Variants in TEX264 observed in about 807,000 individuals in gnomAD.
TEX264 encodes testis expressed 264, ER-phagy receptor.
Under a neutral mutation model 23.4 loss-of-function variants are expected in TEX264, and 13 were observed. The ratio of observed to expected loss-of-function variants is 0.56; its 90% CI spans 0.36 to 0.88. The LOEUF (loss-of-function observed/expected upper bound fraction) is 0.88, where lower values mean the gene tolerates loss of function less well. Ranked by LOEUF, TEX264 falls within the 40% of genes least tolerant of loss-of-function variation. The pLI is 0.01. For synonymous variants in TEX264, 159 were observed against 170.0 expected (o/e 0.94, Z 0.50); for missense variants, 340 against 406.8 (o/e 0.84, Z 1.41).
chr3:51,703,882 G>GGCTC lies in TEX264; in HGVS notation c.809_812dup (p.Ser272LeufsTer4), dbSNP rs1559686789. 1.2e-6 allele frequency: 2 copies of GGCTC among 1,612,200 alleles called. No individual in the cohort carries two copies. The highest frequency in any genetic ancestry group is 2.7e-5 in the African/African-American group (2 of 74,998). On this transcript the variant is annotated frameshift_variant, in exon 5 of 5. Coordinates refer to ENST00000341333, the MANE Select transcript of TEX264 (RefSeq NM_015926.6). LOFTEE classifies it high-confidence loss of function. The surrounding 1 kb of genome is among the most constrained non-coding windows in gnomAD (Gnocchi z 4.8). ...CAGCTACAGCGAGTCAGGTGCCAGC[G>GGCTC]GCTCCTCTTTTGAGGAGCTGGACTT...
Position 51,678,655 on chromosome 3 carries a change from T to C in TEX264, c.258+4093T>C, listed in dbSNP as rs575165315. 2.8e-3 allele frequency among the ~76,000 whole-genome samples: 421 copies of C among 152,320 alleles called. 6 individuals are homozygous for C. Among genetic ancestry groups the C allele is most frequent in the African/African-American group, 9.1e-3 (379 of 41,568 alleles). On this transcript the variant is annotated intron_variant, in intron 2 of 4. Transcript: ENST00000341333. The stretch of plus-strand genomic sequence containing the variant: ...GACTGCCATTGAAGCCCCCTTTCCC[T>C]TAGTCCAATGAGAACCAAGGCCCAG...
intron 3 of TEX264, among the ~76,000 whole-genome samples, chr3:51,687,334 G>GGGCT (rs1702658997): frequency 1.3e-5 from 2 of 152,300 alleles, no homozygotes; most frequent in South Asian, 4.1e-4. Flanking sequence ...GATGAGGAAG[G>GGGCT]GGCTAGCTCT....
intron 2 of TEX264, among the ~76,000 whole-genome samples, chr3:51,675,728 T>C (rs1267128399): frequency 6.6e-6 from 1 of 152,166 alleles, no homozygotes; most frequent in Non-Finnish European, 1.5e-5. Context: ...CCTTCTCATG[T>C]AAGTAGAATT....
At chr3:51,689,862 G>T (rs1373496288) in intron 3 of TEX264, among the ~76,000 whole-genome samples, 1 of 152,226 alleles carries the variant, frequency 6.6e-6, no homozygotes, top group Admixed American at 6.5e-5. Context: ...AGAGGCACTT[G>T]TCTTGAGGGG....
Position 51,691,999 on chromosome 3 carries a change from CTG to C in TEX264, c.480+7366_480+7367del, listed in dbSNP as rs1702845675. ...CCTTTGTTGGCCTAGGCACTGGAACCTGCTCCTTAGCCTCTCTGGCTTTACCC... is the reference window on the plus strand; with the variant it reads ...CCTTTGTTGGCCTAGGCACTGGAACCCTCCTTAGCCTCTCTGGCTTTACCC... On this transcript the variant is annotated intron_variant, in intron 3 of 4. Transcript: ENST00000341333. The surrounding 1 kb of genome is among the most constrained non-coding windows in gnomAD (Gnocchi z 4.4). 6.6e-6 allele frequency among the ~76,000 whole-genome samples: 1 copy of C among 152,236 alleles called. No homozygotes were observed. The highest frequency in any genetic ancestry group is 1.5e-5 in the Non-Finnish European group (1 of 68,030).
In TEX264 at chr3:51,686,011, G is replaced by A. The variant is rs903709754; in HGVS notation, c.480+1377G>A. Reference sequence around the variant, plus strand: ...TGTAGTGATGCTTTCACTGACATGTGGGGAACTGAGGGAGGCCCTGGTTTT... The same window carrying A: ...TGTAGTGATGCTTTCACTGACATGTAGGGAACTGAGGGAGGCCCTGGTTTT... On this transcript the variant is annotated intron_variant, in intron 3 of 4. Coordinates refer to ENST00000341333, the MANE Select transcript of TEX264 (RefSeq NM_015926.6). This position sits in a 1 kb window ranked among gnomAD's most constrained non-coding sequence, Gnocchi z 4.1. Among the ~76,000 whole-genome samples, 7 of 152,174 alleles carry A rather than the reference G, an allele frequency of 4.6e-5. No individual in the cohort carries two copies. Among genetic ancestry groups the A allele is most frequent in the Admixed American group, 4.6e-4 (7 of 15,282 alleles).
chr3:51,690,922 G>A (rs1034623065), intron 3 of TEX264, among the ~76,000 whole-genome samples: 1 of 152,242 alleles, frequency 6.6e-6, no homozygotes, highest in African/African-American at 2.4e-5. Context: ...CCCTTAGGCC[G>A]AGGATCGTTC....
chr3:51,682,357 T>G (rs1260674568), intron 2 of TEX264: 1 of 152,290 alleles, frequency 6.6e-6, no homozygotes, highest in Non-Finnish European at 1.5e-5. Flanking sequence ...AAGAAGTGAC[T>G]GTGTGCAAGG....
chr3:51,701,734 C>T (rs538197536), intron 4 of TEX264, among the ~76,000 whole-genome samples: 2 of 150,528 alleles, frequency 1.3e-5, no homozygotes, highest in South Asian at 2.1e-4. Flanking sequence ...TGGGTTCAAG[C>T]GATTCTCCTG....
At chr3:51,698,295 G>C (rs903026030) in intron 3 of TEX264, among the ~76,000 whole-genome samples, 17 of 152,184 alleles carry the variant, frequency 1.1e-4, no homozygotes. Context: ...CTCCTTGCCA[G>C]GCAATAAGTC....
intron 2 of TEX264, among the ~76,000 whole-genome samples, chr3:51,676,299 G>A (rs1673519323): frequency 6.6e-6 from 1 of 152,202 alleles, no homozygotes; most frequent in South Asian, 2.1e-4. Flanking sequence ...TGCCTCTTGG[G>A]TTGGAGGTGC....
At chr3:51,676,726 A>G (rs1246119974) in intron 2 of TEX264, among the ~76,000 whole-genome samples, 1 of 152,244 alleles carries the variant, frequency 6.6e-6, no homozygotes. Flanking sequence ...CATTTACCCC[A>G]GCACTTAGCC....
chr3:51,678,378 T>A (rs1462102049), intron 2 of TEX264, among the ~76,000 whole-genome samples: 2 of 152,214 alleles, frequency 1.3e-5, no homozygotes, highest in East Asian at 3.9e-4. Context: ...TCTGCCAGGC[T>A]GGCTCTCTAC....
At chr3:51,680,023 C>T (rs117408850) in intron 2 of TEX264, among the ~76,000 whole-genome samples, 165 of 152,272 alleles carry the variant, frequency 1.1e-3, no homozygotes, top group South Asian at 3.9e-3. Flanking sequence ...CAGTGCAGCT[C>T]GTCTATTCCC....
rs1208591429 is a variant in TEX264 at position 51,674,619 on chromosome 3, T to C, written c.258+57T>C. On this transcript the variant is annotated intron_variant, in intron 2 of 4. Transcript: ENST00000341333. ...GATGGGCCTGGTGGGCCAGGGCTTC[T>C]TTGGGGAGGGTAGTTTTGGTTGCTG... 3.8e-6 allele frequency: 6 copies of C among 1,587,686 alleles called. No individual in the cohort carries two copies. The Admixed American group carries it at 5.2e-5, about 14-fold the overall frequency.
chr3:51,692,135 C>T (rs1459340125), intron 3 of TEX264, among the ~76,000 whole-genome samples: 3 of 152,242 alleles, frequency 2.0e-5, no homozygotes, highest in African/African-American at 7.2e-5. Flanking sequence ...GCTTGGCAGC[C>T]CTGCAGGACC....
rs753751256 is a variant in TEX264 at position 51,699,592 on chromosome 3, T to A, written c.649+18T>A. On this transcript the variant is annotated intron_variant, in intron 4 of 4. Transcript: ENST00000341333. Reference sequence around the variant, plus strand: ...TGGCACAGGTACAGAAGGTGGGGTATGAGGATGGGGCCCTCCTGGAGCTCC... The same window carrying A: ...TGGCACAGGTACAGAAGGTGGGGTAAGAGGATGGGGCCCTCCTGGAGCTCC... 6.2e-7 allele frequency: 1 copy of A among 1,612,430 alleles called. No homozygotes were observed. The highest frequency in any genetic ancestry group is 1.1e-5 in the South Asian group (1 of 91,046).
At chr3:51,678,883 GACCTCCTCAACA>G (rs1702323556) in intron 2 of TEX264, among the ~76,000 whole-genome samples, 1 of 152,218 alleles carries the variant, frequency 6.6e-6, no homozygotes. Flanking sequence ...TCCCAGGACT[GACCTCCTCAACA>G]AAGGCAATGG....
chr3:51,672,365 G>T (rs1702078043), intron 1 of TEX264: 1 of 152,148 alleles, frequency 6.6e-6, no homozygotes, highest in Non-Finnish European at 1.5e-5. Context: ...ACCTCTCCAC[G>T]TGCCGACCAA....
Sources: gnomAD v4.1 joint callset for allele counts (sites outside exome capture counted in the v4.1 genomes callset) on GRCh38, gnomAD v4.1.1 for gene constraint, Gnocchi (gnomAD v3.1) non-coding constraint, MANE v1.5 for transcripts, NCBI Gene and HGNC (gene_info 2026-07-23, HGNC 2026-07-21) for gene names.